The following ARHGAP32 variants were observed in gnomAD, a reference collection of about 807,000 sequenced individuals.
The protein encoded by ARHGAP32 is rho GTPase-activating protein 32.
In ARHGAP32, 51 loss-of-function variants were observed where a neutral mutation model predicts 186.5. The ratio of observed to expected loss-of-function variants is 0.27; its 90% confidence interval spans 0.22 to 0.35. The LOEUF is 0.35. Among genes scored for constraint, ARHGAP32 ranks in the 10% least tolerant of loss-of-function variants. The pLI, the probability that ARHGAP32 is intolerant of heterozygous loss-of-function variation, is 1.00. For synonymous variants in ARHGAP32, 950 were observed against 964.3 expected (o/e 0.99, Z 0.27); for missense variants, 2,186 against 2,623.5 (o/e 0.83, Z 3.64).
chr11:129,185,685 AAG>A (rs1475566406), intron 1 of ARHGAP32, among the ~76,000 whole-genome samples: 3 of 150,842 alleles, frequency 2.0e-5, no homozygotes, highest in African/African-American at 7.3e-5. Context: ...GGGTGAATAA[AAG>A]AGTTTCAAAA....
At chr11:129,174,363 G>A (rs996448407) in intron 1 of ARHGAP32, among the ~76,000 whole-genome samples, 17 of 152,200 alleles carry the variant, frequency 1.1e-4, no homozygotes, top group African/African-American at 3.9e-4. Context: ...CAAGGCTCGG[G>A]GAGGGGCGCC....
At chr11:129,118,013 C>A (rs1591630046) in intron 5 of ARHGAP32, among the ~76,000 whole-genome samples, 2 of 152,068 alleles carry the variant, frequency 1.3e-5, no homozygotes, top group East Asian at 3.9e-4. Flanking sequence ...AAAGCCCCTT[C>A]TAGTAATTAT....
chr11:128,991,710 T>C (rs538233239), intron 12 of ARHGAP32, among the ~76,000 whole-genome samples: 18 of 152,190 alleles, frequency 1.2e-4, no homozygotes, highest in Non-Finnish European at 2.4e-4. Flanking sequence ...CTCCACATAA[T>C]ACACTTCTGA....
chr11:129,067,205 G>A (rs975766641), intron 6 of ARHGAP32, among the ~76,000 whole-genome samples: 19 of 151,948 alleles, frequency 1.3e-4, no homozygotes, highest in Non-Finnish European at 2.6e-4. Context: ...ATAGGTAGGA[G>A]AATATTAACT....
chr11:129,207,816 A>AG (rs772390912), intron 1 of ARHGAP32, among the ~76,000 whole-genome samples: 4 of 152,202 alleles, frequency 2.6e-5, no homozygotes, highest in Non-Finnish European at 4.4e-5. Context: ...AAAGAAAAAA[A>AG]CAACCAATGG....
intron 11 of ARHGAP32, among the ~76,000 whole-genome samples, chr11:129,020,648 C>T (rs1268162625): frequency 3.3e-5 from 5 of 152,002 alleles, no homozygotes; most frequent in Non-Finnish European, 7.4e-5. Flanking sequence ...CTTCTGAAAA[C>T]TTATAATCTA....
At chr11:129,150,079 C>A (rs540311889) in intron 2 of ARHGAP32, among the ~76,000 whole-genome samples, 1 of 145,024 alleles carries the variant, frequency 6.9e-6, no homozygotes, top group Non-Finnish European at 1.5e-5. Context: ...CCCAAATTAA[C>A]TTTTGGCTTT....
chr11:129,080,732 A>G (rs1295036087), intron 6 of ARHGAP32, among the ~76,000 whole-genome samples: 1 of 152,112 alleles, frequency 6.6e-6, no homozygotes, highest in Non-Finnish European at 1.5e-5. Context: ...AACCCAGCAG[A>G]AGAAAAGAAA....
intron 1 of ARHGAP32, among the ~76,000 whole-genome samples, chr11:129,217,706 T>G (rs930858738): frequency 2.6e-5 from 4 of 152,156 alleles, no homozygotes; most frequent in African/African-American, 9.7e-5. Context: ...ATTTAAGAAA[T>G]GACTAAGAAA....
intron 6 of ARHGAP32, among the ~76,000 whole-genome samples, chr11:129,083,813 T>G (rs181892785): frequency 4.6e-5 from 7 of 151,632 alleles, no homozygotes; most frequent in East Asian, 1.9e-4. Context: ...GAAAAGAAAA[T>G]AAATACTAAA....
upstream of ARHGAP32, among the ~76,000 whole-genome samples, chr11:129,193,312 G>C (rs1309207090): frequency 3.9e-4 from 2 of 5,160 alleles, no homozygotes; most frequent in Non-Finnish European, 1.0e-3. Flanking sequence ...TCTTTATGGG[G>C]GGGGGGGGGG....
chr11:129,173,216 T>C (rs1622819), intron 1 of ARHGAP32, among the ~76,000 whole-genome samples: 19,122 of 151,282 alleles, frequency 0.13, 1,335 homozygotes, highest in Non-Finnish European at 0.16. Context: ...CTAGAAGAAA[T>C]GGATAAATTC....
chr11:129,141,561 T>C (rs1438758210), intron 2 of ARHGAP32, among the ~76,000 whole-genome samples: 1 of 151,208 alleles, frequency 6.6e-6, no homozygotes. Context: ...ACACAGCACA[T>C]GTATACCTAT....
intron 11 of ARHGAP32, among the ~76,000 whole-genome samples, chr11:129,027,194 G>A (rs889074652): frequency 6.6e-6 from 1 of 151,758 alleles, no homozygotes; most frequent in Non-Finnish European, 1.5e-5. Context: ...TCCAGAAGCA[G>A]ATCACTTCTC....
At chr11:129,279,524 C>G (rs1311627174), upstream of ARHGAP32, among the ~76,000 whole-genome samples, 1 of 145,982 alleles carries the variant, frequency 6.9e-6, no homozygotes, top group African/African-American at 2.5e-5. Flanking sequence ...GCAGCGCCCC[C>G]GCCCAGCTGG....
At chr11:129,076,779 G>A (rs1941056098) in intron 6 of ARHGAP32, among the ~76,000 whole-genome samples, 1 of 152,126 alleles carries the variant, frequency 6.6e-6, no homozygotes, top group African/African-American at 2.4e-5. Context: ...GATCCCACTC[G>A]GACAGACAGA....
At position 128,969,154 on chromosome 11, in the gene ARHGAP32, T is replaced by A. The variant is rs770023243; in HGVS notation, c.6059A>T (p.Gln2020Leu). The A allele has an allele frequency of 8.1e-5, 130 of 1,612,178 alleles. No homozygotes were observed. Among genetic ancestry groups the A allele is most frequent in the Non-Finnish European group, 1.1e-4 (130 of 1,178,998 alleles). ...NVERDPSVLY[Q>L]YQPHGKRQSS... ...CTGGCGCTTGCCGTGTGGTTGGTAC[T>A]GGTACAGCACACTGGGGTCCCTCTC... The change falls in exon 23 of 23, where the codon CAG becomes CTG. Residue 2020 changes from glutamine to leucine, a missense_variant. Physicochemically the swap from Gln to Leu is moderately radical, Grantham distance 113. This residue lies in a region of ARHGAP32 where 1,502 missense variants were observed against 1,570.0 expected (regional missense o/e 0.96). Transcript: ENST00000682385. This position sits in a 1 kb window ranked among gnomAD's most constrained non-coding sequence, Gnocchi z 4.8.
intron 11 of ARHGAP32, among the ~76,000 whole-genome samples, chr11:129,022,949 T>C (rs1407003015): frequency 6.6e-6 from 1 of 152,230 alleles, no homozygotes; most frequent in Admixed American, 6.5e-5. Context: ...ATATGAGCAG[T>C]AGATGCTTTT....
At chr11:129,099,481 C>A (rs1472459666) in intron 5 of ARHGAP32, among the ~76,000 whole-genome samples, 2 of 152,084 alleles carry the variant, frequency 1.3e-5, no homozygotes, top group Non-Finnish European at 2.9e-5. Context: ...ACAAAATCAC[C>A]TAATAATATA....
Sources: gnomAD v4.1 joint callset for allele counts (sites outside exome capture counted in the v4.1 genomes callset) on GRCh38, gnomAD v4.1.1 for gene constraint, gnomAD v4.1.1 regional missense constraint, Gnocchi (gnomAD v3.1) non-coding constraint, MANE v1.5 for transcripts, NCBI Gene and HGNC (gene_info 2026-07-23, HGNC 2026-07-21) for gene names.